Variants in FYN observed in about 807,000 individuals in gnomAD.
FYN encodes tyrosine-protein kinase Fyn.
In FYN, 10 loss-of-function variants were observed where a neutral mutation model predicts 70.2. The ratio of observed to expected loss-of-function variants is 0.14; its 90% confidence interval spans 0.09 to 0.24. The LOEUF is 0.24. FYN is among the 10% of genes least tolerant of loss of function. The pLI, the probability that FYN is intolerant of heterozygous loss-of-function variation, is 1.00. For synonymous variants in FYN, 236 were observed against 248.6 expected (o/e 0.95, Z 0.48); for missense variants, 319 against 673.1 (o/e 0.47, Z 5.82).
At chr6:111,678,106 ATATGTGTGTGTG>A (rs1436777604) in intron 12 of FYN, among the ~76,000 whole-genome samples, 13 of 118,612 alleles carry the variant, frequency 1.1e-4, no homozygotes, top group Middle Eastern at 3.8e-3. Context: ...GAAGGCCATA[ATATGTGTGTGTG>A]TGTGTGTGTG....
chr6:111,743,863 T>C (rs1346587767), intron 3 of FYN, among the ~76,000 whole-genome samples: 1 of 152,198 alleles, frequency 6.6e-6, no homozygotes, highest in Non-Finnish European at 1.5e-5. Flanking sequence ...TCTGAAAAGA[T>C]CTGGCTCTCT....
At chr6:111,724,331 T>C (rs536772569) in intron 3 of FYN, among the ~76,000 whole-genome samples, 3 of 152,260 alleles carry the variant, frequency 2.0e-5, no homozygotes, top group South Asian at 2.1e-4. Flanking sequence ...AAAGGATAGA[T>C]TCAATCCTTT....
At chr6:111,857,862 G>A (rs1349871993) in intron 1 of FYN, among the ~76,000 whole-genome samples, 2 of 152,256 alleles carry the variant, frequency 1.3e-5, no homozygotes, top group East Asian at 3.9e-4. Context: ...CACAGTGATG[G>A]GGAGAGGATT....
Position 111,744,641 on chromosome 6 carries a change from A to G in FYN, c.-11-24579T>C, listed in dbSNP as rs550209545. Among the ~76,000 whole-genome samples the G allele has an allele frequency of 9.2e-5, 14 of 152,318 alleles. No individual in the cohort carries two copies. The East Asian group carries it at 2.7e-3, about 29-fold the overall frequency. ...CAGCATTATCACTAACCAGATGTGTAACTTTGGAAAAATCATCAGGCTTTT... is the reference window on the plus strand; with the variant it reads ...CAGCATTATCACTAACCAGATGTGTGACTTTGGAAAAATCATCAGGCTTTT... On this transcript the variant is annotated intron_variant, in intron 3 of 13. Transcript: ENST00000354650.
chr6:111,755,328 T>A (rs1802679430), intron 3 of FYN, among the ~76,000 whole-genome samples: 1 of 152,170 alleles, frequency 6.6e-6, no homozygotes, highest in Non-Finnish European at 1.5e-5. Flanking sequence ...TGAGGGAAAC[T>A]GGATAATGCC....
intron 4 of FYN, among the ~76,000 whole-genome samples, chr6:111,715,611 T>C (rs1471971135): frequency 6.6e-6 from 1 of 152,122 alleles, no homozygotes; most frequent in East Asian, 1.9e-4. Flanking sequence ...GGCGCCATGC[T>C]GGTGAGGCCC....
At chr6:111,672,010 T>C (rs1300993693) in intron 13 of FYN, among the ~76,000 whole-genome samples, 2 of 152,176 alleles carry the variant, frequency 1.3e-5, no homozygotes. Context: ...TGGCTTTCTT[T>C]GAATGAGGAC....
intron 12 of FYN, among the ~76,000 whole-genome samples, chr6:111,690,642 A>C (rs1799275476): frequency 6.6e-6 from 1 of 152,246 alleles, no homozygotes; most frequent in Admixed American, 6.5e-5. Context: ...TACCAACAGT[A>C]ACAAGCAACA....
chr6:111,837,718 T>G (rs1308823907), intron 2 of FYN, among the ~76,000 whole-genome samples: 1 of 152,200 alleles, frequency 6.6e-6, no homozygotes, highest in Non-Finnish European at 1.5e-5. Flanking sequence ...ACCTTACTCT[T>G]GATGACTGTC....
intron 1 of FYN, among the ~76,000 whole-genome samples, chr6:111,862,762 T>G (rs1345978613): frequency 1.3e-5 from 2 of 152,168 alleles, no homozygotes; most frequent in African/African-American, 4.8e-5. Context: ...CAGGCATCAC[T>G]TATTAGGAGG....
intron 3 of FYN, among the ~76,000 whole-genome samples, chr6:111,758,154 T>C (rs1267858749): frequency 6.6e-6 from 1 of 152,228 alleles, no homozygotes; most frequent in African/African-American, 2.4e-5. Context: ...ATTTTCTGTT[T>C]GATTAAATAT....
At chr6:111,846,452 A>G (rs1206631893) in intron 2 of FYN, 137 bp downstream of exon 2, 3 of 397,704 alleles carry the variant, frequency 7.5e-6, no homozygotes, top group South Asian at 1.3e-4. Flanking sequence ...TCCTTCTCCA[A>G]CTCGACCTCT....
intron 8 of FYN, among the ~76,000 whole-genome samples, chr6:111,700,639 A>G (rs556559864): frequency 4.8e-4 from 73 of 152,356 alleles, no homozygotes; most frequent in Middle Eastern, 6.8e-3. Flanking sequence ...AAACGTTTTC[A>G]GCTCAACGTG....
intron 6 of FYN, among the ~76,000 whole-genome samples, chr6:111,705,241 C>A (rs1446155788): frequency 6.6e-6 from 1 of 152,076 alleles, no homozygotes; most frequent in East Asian, 1.9e-4. Flanking sequence ...ATAACTTCCT[C>A]CCTATAAGAA....
rs543998399 is a variant in FYN at position 111,846,693 on chromosome 6, C to G, written c.-122-64G>C. ...GAACCAAGTACTCTCTGCCTACAAA[C>G]CACCCACAAAGCACCACCATAGAAT... On this transcript the variant is annotated intron_variant, in intron 1 of 13. Transcript: ENST00000354650. The G allele has an allele frequency of 2.8e-5, 11 of 398,588 alleles. No individual in the cohort carries two copies. In the South Asian group the frequency reaches 1.4e-3, roughly 51 times the overall value. The allele number at this position is 398,588 out of a possible 1,614,324, so 24.7% of individuals were successfully genotyped here. A position where few individuals can be genotyped will look rare whatever the true frequency, so the allele number is the denominator to read the frequency against.
At chr6:111,708,389 G>A (rs1800205830) in intron 5 of FYN, among the ~76,000 whole-genome samples, 1 of 152,192 alleles carries the variant, frequency 6.6e-6, no homozygotes, top group East Asian at 1.9e-4. Flanking sequence ...CAGATCATCT[G>A]GGAAGGGAAG....
intron 13 of FYN, among the ~76,000 whole-genome samples, chr6:111,669,908 G>A (rs1798192095): frequency 6.6e-6 from 1 of 151,962 alleles, no homozygotes; most frequent in African/African-American, 2.4e-5. Flanking sequence ...TATGCTAGGT[G>A]TCATGGAGGC....
At position 111,707,913 on chromosome 6, in the gene FYN, GA is replaced by G; in HGVS notation, c.443+8del. 6.2e-7 allele frequency: 1 copy of G among 1,603,996 alleles called. No homozygotes were observed. The highest frequency in any genetic ancestry group is 8.5e-7 in the Non-Finnish European group (1 of 1,170,946). On this transcript the variant is annotated splice_region_variant and intron_variant, in intron 6 of 13. Transcript: ENST00000354650. Reference sequence around the variant, plus strand: ...TCAAGTAGTTAAGTGAAAACAAAATGAAACATACTCTTCTGCCTGGATAGAG... The same window carrying G: ...TCAAGTAGTTAAGTGAAAACAAAATGAACATACTCTTCTGCCTGGATAGAG...
Position 111,846,639 on chromosome 6 carries a change from A to G in FYN, c.-122-10T>C. On this transcript the variant is annotated splice_polypyrimidine_tract_variant and intron_variant, in intron 1 of 13. Coordinates refer to ENST00000354650, the MANE Select transcript of FYN (RefSeq NM_002037.5). ...TGCTTCTTCAAAAAAACTGTAGAAG[A>G]AGAAAAAAAAAAGTGAGACATCAAA... 2.5e-6 allele frequency: 1 copy of G among 398,792 alleles called. No individual in the cohort carries two copies. The highest frequency in any genetic ancestry group is 3.6e-5 in the East Asian group (1 of 28,070). 24.7% of individuals were successfully genotyped at this position (398,792 alleles called of 1,614,324 possible). A position where few individuals can be genotyped will look rare whatever the true frequency, so the allele number is the denominator to read the frequency against.
Sources: gnomAD v4.1 joint callset for allele counts (sites outside exome capture counted in the v4.1 genomes callset) on GRCh38, gnomAD v4.1.1 for gene constraint, MANE v1.5 for transcripts, NCBI Gene and HGNC (gene_info 2026-07-23, HGNC 2026-07-21) for gene names.